EIF4G3: variants seen among roughly 807,000 people sequenced by gnomAD.
EIF4G3 encodes the protein eukaryotic translation initiation factor 4 gamma 3, also known as eIF-4-gamma 3.
A neutral mutation model predicts 186.4 loss-of-function variants in EIF4G3; 34 were observed. The ratio of observed to expected loss-of-function variants is 0.18; its 90% CI spans 0.14 to 0.24. The LOEUF (loss-of-function observed/expected upper bound fraction) is 0.24. Ranked by LOEUF, EIF4G3 falls within the 10% of genes least tolerant of loss-of-function variation. EIF4G3 has a pLI of 1.00. For missense variants in EIF4G3, 1,536 were observed against 1,948.5 expected (o/e 0.79, Z 3.99); for synonymous variants, 673 against 679.5 (o/e 0.99, Z 0.15).
chr1:20,986,877 C>T (rs2079683451), intron 7 of EIF4G3, among the ~76,000 whole-genome samples: 1 of 150,434 alleles, frequency 6.6e-6, no homozygotes, highest in Non-Finnish European at 1.5e-5. Context: ...ACCTCCTAAA[C>T]TTCATTTCAA....
rs754368038 is a variant in EIF4G3, at chr1:20,949,959, A to G, written c.823+44T>C. 7 of 1,507,356 alleles carry G rather than the reference A, an allele frequency of 4.6e-6. No homozygotes were observed. In the South Asian group the frequency reaches 8.0e-5, roughly 17 times the overall value. 93.4% of individuals were successfully genotyped at this position (1,507,356 alleles called of 1,614,324 possible). ...TGCTGACGGCAATGTAATTAATAAAAAAGAGACTAAAGATAAGAGGGAGGA... is the reference window on the plus strand; with the variant it reads ...TGCTGACGGCAATGTAATTAATAAAGAAGAGACTAAAGATAAGAGGGAGGA... On this transcript the variant is annotated intron_variant, in intron 13 of 36. Transcript: ENST00000602326.
In EIF4G3 at chr1:20,886,257, T is replaced by C. The variant is rs1188492027; in HGVS notation, c.2368A>G (p.Lys790Glu). The change falls in exon 19 of 37, where the codon AAG (lysine) becomes GAG (glutamate). Residue 790 changes from lysine (K) to glutamate (E), a missense_variant. By Grantham distance (56) the Lys-to-Glu change is moderately conservative. Transcript: ENST00000602326. The part of the protein sequence containing the change: ...VHLKKAENAW[K>E]PSQKRDSQAD... ...TGGCTGTCTCGTTTTTGGCTTGGCTTCCAGGCATTTTCTGCCTTTTTCAGG... is the reference window on the plus strand; with the variant it reads ...TGGCTGTCTCGTTTTTGGCTTGGCTCCCAGGCATTTTCTGCCTTTTTCAGG... The C allele has an allele frequency of 6.2e-7, 1 of 1,614,112 alleles. No homozygotes were observed. Among genetic ancestry groups the C allele is most frequent in the Non-Finnish European group, 8.5e-7 (1 of 1,179,970 alleles).
chr1:21,101,562 G>GAGAAAAAAAAAAAA (rs1553241663), intron 2 of EIF4G3, among the ~76,000 whole-genome samples: 1 of 35,370 alleles, frequency 2.8e-5, no homozygotes. Flanking sequence ...AGGGTCTCAG[G>GAGAAAAAAAAAAAA]AAAAAAAAAA....
chr1:21,060,779 TAAGA>T (rs2094855004), intron 3 of EIF4G3, among the ~76,000 whole-genome samples: 1 of 58,306 alleles, frequency 1.7e-5, no homozygotes, highest in Non-Finnish European at 3.7e-5. Flanking sequence ...TCCTGTCTCT[TAAGA>T]AAAAAAAAAA....
chr1:20,998,404 T>C (rs1570659755), intron 6 of EIF4G3, among the ~76,000 whole-genome samples: 1 of 152,158 alleles, frequency 6.6e-6, no homozygotes, highest in Non-Finnish European at 1.5e-5. Context: ...AATCTCTTAA[T>C]TACTATAGAC....
At position 20,883,215 on chromosome 1, in the gene EIF4G3, A is replaced by G. The variant is rs977836698; in HGVS notation, c.2424+2986T>C. 2.6e-5 allele frequency among the ~76,000 whole-genome samples: 4 copies of G among 152,338 alleles called. No homozygotes were observed. In the East Asian group the frequency reaches 5.8e-4, roughly 22 times the overall value. On this transcript the variant is annotated intron_variant, in intron 19 of 36. Coordinates refer to ENST00000602326, the MANE Select transcript of EIF4G3 (RefSeq NM_001391906.1). ...CAAAATCTAGTTGCAGGGACAATAC[A>G]TTTAAAAACGAAGTGATAAAGCAAG...
chr1:21,157,799 T>C (rs2097690575), intron 2 of EIF4G3, among the ~76,000 whole-genome samples: 1 of 152,202 alleles, frequency 6.6e-6, no homozygotes, highest in South Asian at 2.1e-4. Flanking sequence ...ACATTTCTCT[T>C]TTTTCTCTTA....
rs2097254068 is a variant in EIF4G3 at position 21,136,804 on chromosome 1, A to T, written c.-272+39371T>A. Among the ~76,000 whole-genome samples the T allele has an allele frequency of 3.3e-5, 5 of 152,324 alleles. No homozygotes were observed. In the South Asian group the frequency reaches 1.0e-3, roughly 32 times the overall value. ...TGAAAGCAGACAGAAAACAGTATTT[A>T]CACTTGAATATATTACAGAACTGCA... is the stretch of plus-strand genomic sequence containing the variant. On this transcript the variant is annotated intron_variant, in intron 2 of 36. Transcript: ENST00000602326.
intron 32 of EIF4G3, among the ~76,000 whole-genome samples, chr1:20,825,446 G>C (rs2063380140): frequency 6.6e-6 from 1 of 152,022 alleles, no homozygotes; most frequent in African/African-American, 2.4e-5. Context: ...AGCAAGACCA[G>C]TCTCGAAAAC....
At chr1:20,948,954 A>G (rs866109707) in intron 13 of EIF4G3, among the ~76,000 whole-genome samples, 80 of 142,882 alleles carry the variant, frequency 5.6e-4, no homozygotes, top group African/African-American at 1.9e-3. Context: ...GGTTGCAGTG[A>G]GTCAAGACTC....
chr1:20,902,789 C>T (rs989557040), intron 15 of EIF4G3, among the ~76,000 whole-genome samples: 3 of 152,052 alleles, frequency 2.0e-5, no homozygotes, highest in Non-Finnish European at 4.4e-5. Flanking sequence ...TATAGGCGCG[C>T]GCCACCACGG....
chr1:20,980,675 T>C (rs1394382524), intron 9 of EIF4G3, among the ~76,000 whole-genome samples: 3 of 152,090 alleles, frequency 2.0e-5, no homozygotes, highest in African/African-American at 7.2e-5. Flanking sequence ...CCATACAACA[T>C]ATCAGTGCAC....
intron 2 of EIF4G3, among the ~76,000 whole-genome samples, chr1:21,138,635 T>G (rs2097288443): frequency 6.6e-6 from 1 of 152,012 alleles, no homozygotes; most frequent in Non-Finnish European, 1.5e-5. Flanking sequence ...CTGGTCAACA[T>G]GGCCAAACCC....
chr1:20,829,113 C>T lies in EIF4G3; in HGVS notation c.4187+34G>A, dbSNP rs116571472. On this transcript the variant is annotated intron_variant, in intron 31 of 36. Coordinates refer to ENST00000602326, the MANE Select transcript of EIF4G3 (RefSeq NM_001391906.1). Reference sequence around the variant, plus strand: ...CAAGTGAGTTATTAGTCAGTTCTACCTGATATATATCAAGAGAAACAAGTA... The same window carrying T: ...CAAGTGAGTTATTAGTCAGTTCTACTTGATATATATCAAGAGAAACAAGTA... 1,559 of 1,608,650 alleles carry T rather than the reference C, an allele frequency of 9.7e-4. 16 individuals are homozygous for T. In the African/African-American group the frequency reaches 0.019, roughly 20 times the overall value.
At chr1:21,003,854 T>TAGTA in intron 4 of EIF4G3, 1 of 331,568 alleles carries the variant, frequency 3.0e-6, no homozygotes. Flanking sequence ...AAGCATGACC[T>TAGTA]AGTAAGACTC....
rs764544836 is a variant in EIF4G3, at chr1:20,941,807, G to A, written c.1347C>T (p.Pro449=). Reference sequence around the variant, plus strand: ...TACACTCCAGTTTCATTTCTTCTGGGGGATTTTCGAGAATCTCCAATTCAA... The same window carrying A: ...TACACTCCAGTTTCATTTCTTCTGGAGGATTTTCGAGAATCTCCAATTCAA... ...LTLELEILEN[P]PEEMKLECIP... The change falls in exon 14 of 37, where the codon CCC becomes CCT. Residue 449 remains proline (P), a synonymous_variant. Coordinates refer to ENST00000602326, the MANE Select transcript of EIF4G3 (RefSeq NM_001391906.1). 3 of 1,613,682 alleles carry A rather than the reference G, an allele frequency of 1.9e-6. No homozygotes were observed. Among genetic ancestry groups the A allele is most frequent in the South Asian group, 2.2e-5 (2 of 90,994 alleles).
chr1:20,827,643 T>C lies in EIF4G3; in HGVS notation c.4243A>G (p.Ile1415Val). The C allele has an allele frequency of 6.2e-7, 1 of 1,612,254 alleles. No homozygotes were observed. ...VGRAGVLLSE[I>V]LHLLCKQMSH... ...ATTTGTTTGCATAGTAGGTGCAATA[T>C]TTCAGATAGCAAGACCCCAGCTCTT... The change falls in exon 32 of 37, where the codon ATA becomes GTA. Residue 1415 changes from isoleucine (I) to valine (V), a missense_variant. Physicochemically the swap from Ile to Val is conservative, Grantham distance 29. Around this residue, in one of 11 missense-constraint regions of EIF4G3, gnomAD observed 395 missense variants for 498.9 expected, o/e 0.79. Coordinates refer to ENST00000602326, the MANE Select transcript of EIF4G3 (RefSeq NM_001391906.1).
At chr1:20,876,206 G>A (rs2080752617) in intron 20 of EIF4G3, among the ~76,000 whole-genome samples, 1 of 118,038 alleles carries the variant, frequency 8.5e-6, no homozygotes, top group Non-Finnish European at 1.6e-5. Context: ...CTGGGATATA[G>A]AGTGAGAGCC....
chr1:21,103,068 C>T (rs1178546598), intron 2 of EIF4G3, among the ~76,000 whole-genome samples: 1 of 152,144 alleles, frequency 6.6e-6, no homozygotes, highest in Non-Finnish European at 1.5e-5. Flanking sequence ...TTTGTAAAAG[C>T]ACATGGATCT....
Sources: allele counts gnomAD v4.1 joint callset (sites outside exome capture counted in the v4.1 genomes callset), GRCh38; gene constraint gnomAD v4.1.1; regional missense constraint gnomAD v4.1.1; transcripts MANE v1.5; gene names NCBI Gene and HGNC (gene_info 2026-07-23, HGNC 2026-07-21).